XIRP2: variants seen among roughly 807,000 people sequenced by gnomAD.
The protein encoded by XIRP2 is xin actin-binding repeat-containing protein 2.
In XIRP2, 236 loss-of-function variants were observed where a neutral mutation model predicts 277.0. The observed-to-expected ratio is 0.85, with a 90% CI of 0.77 to 0.95. XIRP2 has a LOEUF of 0.95. Among genes scored for constraint, XIRP2 ranks in the 40% least tolerant of loss-of-function variants. The pLI is 0.00. For missense variants in XIRP2, 4,640 were observed against 4,157.5 expected, an observed-to-expected ratio of 1.12 and a Z score of -3.19; for synonymous variants, 1,490 against 1,416.5, an observed-to-expected ratio of 1.05 and a Z score of -1.17.
At chr2:167,084,543 A>G (rs964869323) in intron 2 of XIRP2, among the ~76,000 whole-genome samples, 7 of 151,828 alleles carry the variant, frequency 4.6e-5, no homozygotes, top group African/African-American at 1.7e-4. Flanking sequence ...TACCTCTGGT[A>G]GAATTCGGCT....
chr2:167,186,472 C>T (rs925382906), intron 3 of XIRP2, among the ~76,000 whole-genome samples: 1 of 152,046 alleles, frequency 6.6e-6, no homozygotes. Flanking sequence ...TTGAGTTTGT[C>T]GTTAGGCCAC....
chr2:167,160,576 C>T (rs148397710), intron 3 of XIRP2, among the ~76,000 whole-genome samples: 45 of 152,258 alleles, frequency 3.0e-4, no homozygotes, highest in Non-Finnish European at 5.7e-4. Flanking sequence ...GGAAACTCCT[C>T]CCCTTTTTAA....
At chr2:166,909,389 G>C (rs1389912716) in intron 2 of XIRP2, among the ~76,000 whole-genome samples, 2 of 152,124 alleles carry the variant, frequency 1.3e-5, no homozygotes, top group Non-Finnish European at 2.9e-5. Flanking sequence ...TTGTGAATGG[G>C]AGTTCACTCA....
At chr2:167,023,096 C>A (rs1297025918) in intron 2 of XIRP2, among the ~76,000 whole-genome samples, 2 of 152,186 alleles carry the variant, frequency 1.3e-5, no homozygotes, top group Non-Finnish European at 1.5e-5. Flanking sequence ...TCCTATTTCT[C>A]CACATCCCCT....
At chr2:167,010,112 T>C (rs1055753400) in intron 2 of XIRP2, among the ~76,000 whole-genome samples, 3 of 152,118 alleles carry the variant, frequency 2.0e-5, no homozygotes, top group Admixed American at 2.0e-4. Context: ...GCCATTGCTT[T>C]TGGTGTTTTA....
intron 3 of XIRP2, among the ~76,000 whole-genome samples, chr2:167,166,194 AG>A (rs1267422247): frequency 1.3e-5 from 2 of 151,992 alleles, no homozygotes; most frequent in Non-Finnish European, 2.9e-5. Flanking sequence ...AAATATCTTG[AG>A]GTTTTTTTTC....
intron 2 of XIRP2, among the ~76,000 whole-genome samples, chr2:167,070,061 C>A (rs1224435743): frequency 6.6e-6 from 1 of 152,020 alleles, no homozygotes; most frequent in Non-Finnish European, 1.5e-5. Flanking sequence ...CTCAGTGACC[C>A]AGTCCCAACT....
intron 2 of XIRP2, among the ~76,000 whole-genome samples, chr2:167,035,622 G>A (rs1465951965): frequency 6.6e-6 from 1 of 152,210 alleles, no homozygotes; most frequent in Non-Finnish European, 1.5e-5. Flanking sequence ...AGCATAAAAG[G>A]TCGGAACATG....
chr2:167,087,199 G>C (rs898298009), intron 2 of XIRP2, among the ~76,000 whole-genome samples: 5 of 152,168 alleles, frequency 3.3e-5, no homozygotes, highest in African/African-American at 1.2e-4. Flanking sequence ...GGAATACCCT[G>C]CCGTGTGAGG....
rs557562846 is a variant in XIRP2 at position 167,206,662 on chromosome 2, G to A, written c.563-4073G>A. 2.6e-5 allele frequency among the ~76,000 whole-genome samples: 4 copies of A among 152,262 alleles called. No individual in the cohort carries two copies. The East Asian group carries it at 5.8e-4, about 22-fold the overall frequency. ...TTTTGCATTGTCCACAATGGGAAGG[G>A]AGAAGGGAAAAGAAATGAGATGACT... is the stretch of plus-strand genomic sequence containing the variant. On this transcript the variant is annotated intron_variant, in intron 3 of 10. Transcript: ENST00000409195.
At chr2:167,107,650 GT>G in intron 2 of XIRP2, among the ~76,000 whole-genome samples, 1 of 151,548 alleles carries the variant, frequency 6.6e-6, no homozygotes, top group South Asian at 2.1e-4. Context: ...TTGGTCTATA[GT>G]TTTTGGTCTT....
chr2:167,131,484 C>T (rs1691374499), intron 2 of XIRP2, among the ~76,000 whole-genome samples: 1 of 152,208 alleles, frequency 6.6e-6, no homozygotes, highest in African/African-American at 2.4e-5. Context: ...CACTCTCTCA[C>T]CCACTTCAAA....
intron 2 of XIRP2, among the ~76,000 whole-genome samples, chr2:166,918,174 C>T (rs1684942277): frequency 6.6e-6 from 1 of 152,150 alleles, no homozygotes; most frequent in South Asian, 2.1e-4. Flanking sequence ...TCCAGGTTTT[C>T]CACAGTAAAT....
At chr2:167,038,539 C>A (rs1338126722) in intron 2 of XIRP2, among the ~76,000 whole-genome samples, 1 of 150,768 alleles carries the variant, frequency 6.6e-6, no homozygotes, top group Non-Finnish European at 1.5e-5. Flanking sequence ...AAGCTTAGTT[C>A]TGGGATTTTT....
At chr2:167,184,469 C>G (rs1186066807) in intron 3 of XIRP2, 4 of 670,118 alleles carry the variant, frequency 6.0e-6, no homozygotes, top group Non-Finnish European at 1.1e-5. Context: ...TTTGAGATCC[C>G]TCGCTTCTTC....
rs61752541 is a variant in XIRP2 at position 167,250,286 on chromosome 2, A to G, written c.8894A>G (p.Glu2965Gly). 202 of 1,613,192 alleles carry G rather than the reference A, an allele frequency of 1.3e-4. No homozygotes were observed. In the African/African-American group the frequency reaches 2.4e-3, roughly 19 times the overall value. Reference sequence around the variant, plus strand: ...ATTTTGTCGAGAGTGAAACAGTTTGAAGCAGAGCCAAATAAAAGTGGCCTT... The same window carrying G: ...ATTTTGTCGAGAGTGAAACAGTTTGGAGCAGAGCCAAATAAAAGTGGCCTT... ...QQILSRVKQF[E>G]AEPNKSGLKT... The change falls in exon 9 of 11, where the codon GAA becomes GGA. Residue 2965 changes from glutamate (E) to glycine (G), a missense_variant. By Grantham distance (98) the Glu-to-Gly change is moderately conservative. Transcript: ENST00000409195.
chr2:167,063,386 C>T (rs917415471), intron 2 of XIRP2, among the ~76,000 whole-genome samples: 6 of 151,942 alleles, frequency 3.9e-5, no homozygotes, highest in East Asian at 1.9e-4. Flanking sequence ...CTTCTGGTTT[C>T]GAAAGGAATG....
At chr2:167,132,710 C>T (rs1691419219) in intron 2 of XIRP2, among the ~76,000 whole-genome samples, 1 of 152,188 alleles carries the variant, frequency 6.6e-6, no homozygotes, top group Non-Finnish European at 1.5e-5. Context: ...TCCTCCCTCC[C>T]AGTCCAGGAC....
At chr2:166,941,503 G>A (rs1685716570) in intron 2 of XIRP2, among the ~76,000 whole-genome samples, 1 of 152,166 alleles carries the variant, frequency 6.6e-6, no homozygotes, top group African/African-American at 2.4e-5. Context: ...TACCTCAGTT[G>A]GAAATACAGA....
Sources: gnomAD v4.1 joint callset for allele counts (sites outside exome capture counted in the v4.1 genomes callset) on GRCh38, gnomAD v4.1.1 for gene constraint, MANE v1.5 for transcripts, NCBI Gene and HGNC (gene_info 2026-07-23, HGNC 2026-07-21) for gene names.